TXNRD1: variants seen among roughly 807,000 people sequenced by gnomAD.
TXNRD1 encodes the protein thioredoxin reductase 1, cytoplasmic.
Under a neutral mutation model 80.3 loss-of-function variants are expected in TXNRD1, and 57 were observed. That is an observed-to-expected ratio of 0.71 (90% CI 0.57 to 0.89). The LOEUF is 0.89. Among genes scored for constraint, TXNRD1 ranks in the 40% least tolerant of loss-of-function variants. The pLI, the probability that TXNRD1 is intolerant of heterozygous loss-of-function variation, is 0.00. For synonymous variants in TXNRD1, 291 were observed against 285.2 expected (o/e 1.02, Z -0.20); for missense variants, 730 against 803.0 (o/e 0.91, Z 1.10).
In TXNRD1 at chr12:104,349,050, C is replaced by T. The variant is rs2036577130; in HGVS notation, c.*629C>T. 6.6e-6 allele frequency: 1 copy of T among 152,298 alleles called. No homozygotes were observed. Among genetic ancestry groups the T allele is most frequent in the Non-Finnish European group, 1.5e-5 (1 of 68,106 alleles). 9.4% of individuals were successfully genotyped at this position (152,298 alleles called of 1,614,324 possible). A position where few individuals can be genotyped will look rare whatever the true frequency, so the allele number is the denominator to read the frequency against. On this transcript the variant is annotated 3_prime_UTR_variant, in exon 17 of 17. Coordinates refer to ENST00000525566, the MANE Select transcript of TXNRD1 (RefSeq NM_001093771.3). ...CCAAAACAAGTACATCTGCGATCAACTCTAGCCAAATTTGCCCCTGTGTGC... is the reference window on the plus strand; with the variant it reads ...CCAAAACAAGTACATCTGCGATCAATTCTAGCCAAATTTGCCCCTGTGTGC...
At chr12:104,294,444 C>A (rs933528926) in intron 4 of TXNRD1, among the ~76,000 whole-genome samples, 1 of 151,952 alleles carries the variant, frequency 6.6e-6, no homozygotes, top group Non-Finnish European at 1.5e-5. Flanking sequence ...CACTATGTCC[C>A]CTCAGCTCCT....
At chr12:104,256,693 C>T (rs570050174) in intron 2 of TXNRD1, among the ~76,000 whole-genome samples, 14 of 150,094 alleles carry the variant, frequency 9.3e-5, no homozygotes, top group African/African-American at 2.9e-4. Context: ...GCAGGAGACT[C>T]GCCTGAACCC....
chr12:104,332,268 A>G (rs912528422), intron 14 of TXNRD1, among the ~76,000 whole-genome samples: 4 of 152,196 alleles, frequency 2.6e-5, no homozygotes, highest in African/African-American at 9.6e-5. Flanking sequence ...TGCTGTTTTA[A>G]ATCATTTTAG....
chr12:104,249,935 CAAAAAAAAAAA>C (rs59924751), intron 1 of TXNRD1, among the ~76,000 whole-genome samples: 1 of 102,544 alleles, frequency 9.8e-6, no homozygotes, highest in African/African-American at 3.8e-5. Context: ...GACGCCGTCT[CAAAAAAAAAAA>C]AAAAAAAAAG....
chr12:104,301,372 C>T (rs1384596710), intron 4 of TXNRD1, among the ~76,000 whole-genome samples: 1 of 151,874 alleles, frequency 6.6e-6, no homozygotes, highest in Non-Finnish European at 1.5e-5. Flanking sequence ...GAGTCTCGCT[C>T]TGTCGCCCAG....
At chr12:104,291,961 G>A (rs1351421633) in intron 4 of TXNRD1, among the ~76,000 whole-genome samples, 2 of 152,182 alleles carry the variant, frequency 1.3e-5, no homozygotes, top group Non-Finnish European at 2.9e-5. Flanking sequence ...TTTATTTAGT[G>A]GAGAATTGAG....
intron 1 of TXNRD1, among the ~76,000 whole-genome samples, chr12:104,245,884 C>A (rs887784951): frequency 6.7e-6 from 1 of 148,254 alleles, no homozygotes; most frequent in Non-Finnish European, 1.5e-5. Context: ...CCGAGGCGGG[C>A]GTATCACGAG....
chr12:104,347,343 C>T (rs958702882), intron 16 of TXNRD1, among the ~76,000 whole-genome samples: 2 of 152,144 alleles, frequency 1.3e-5, no homozygotes, highest in African/African-American at 4.8e-5. Flanking sequence ...AGTATTGTTC[C>T]TCCCTTACAC....
intron 3 of TXNRD1, among the ~76,000 whole-genome samples, chr12:104,268,465 C>G (rs534967883): frequency 8.8e-4 from 134 of 151,838 alleles, no homozygotes; most frequent in African/African-American, 3.0e-3. Flanking sequence ...GCTGAGCTTG[C>G]AGAGAGCTGA....
intron 1 of TXNRD1, among the ~76,000 whole-genome samples, chr12:104,241,693 TTTTATTTATTTA>T (rs112014885): frequency 2.6e-4 from 40 of 151,386 alleles, no homozygotes; most frequent in Admixed American, 8.6e-4. Context: ...TAAATTTTAC[TTTTATTTATTTA>T]TTTATTTATT....
chr12:104,334,761 C>T (rs775286101), intron 15 of TXNRD1, among the ~76,000 whole-genome samples: 1 of 152,174 alleles, frequency 6.6e-6, no homozygotes, highest in African/African-American at 2.4e-5. Context: ...TGATAGATAT[C>T]AGCAGCTGGC....
chr12:104,348,202 A>G, intron 16 of TXNRD1, 151 bp from the exon 17 acceptor site: 1 of 664,428 alleles, frequency 1.5e-6, no homozygotes, highest in South Asian at 2.1e-5. Flanking sequence ...CTGGAGAAAT[A>G]GAAGATATCC....
Position 104,215,792 on chromosome 12 carries a change from C to A in TXNRD1, c.-11C>A. 6.4e-7 allele frequency: 1 copy of A among 1,553,764 alleles called. No individual in the cohort carries two copies. Among genetic ancestry groups the A allele is most frequent in the Non-Finnish European group, 8.7e-7 (1 of 1,148,754 alleles). ...TTCGGCTCCGTCAGTTCCCACAGGG[C>A]CTTGTGCGACATGGGCTGCGCCGAG... On this transcript the variant is annotated 5_prime_UTR_variant, in exon 1 of 17. Coordinates refer to ENST00000525566, the MANE Select transcript of TXNRD1 (RefSeq NM_001093771.3).
intron 3 of TXNRD1, among the ~76,000 whole-genome samples, chr12:104,275,273 C>G (rs2033733449): frequency 6.7e-6 from 1 of 150,256 alleles, no homozygotes; most frequent in African/African-American, 2.4e-5. Context: ...AGCCAAACTC[C>G]ATCTCAAAAA....
intron 2 of TXNRD1, among the ~76,000 whole-genome samples, chr12:104,254,861 T>C (rs965587245): frequency 6.6e-6 from 1 of 151,390 alleles, no homozygotes; most frequent in African/African-American, 2.4e-5. Context: ...TCCCAGCACT[T>C]TGGGAGGCTG....
At chr12:104,347,398 A>G (rs1289960609) in intron 16 of TXNRD1, among the ~76,000 whole-genome samples, 1 of 152,202 alleles carries the variant, frequency 6.6e-6, no homozygotes, top group Non-Finnish European at 1.5e-5. Context: ...GTTTTTACGT[A>G]CAGGCAATCT....
intron 2 of TXNRD1, among the ~76,000 whole-genome samples, chr12:104,253,420 A>C (rs1415471759): frequency 6.6e-6 from 1 of 151,626 alleles, no homozygotes; most frequent in Non-Finnish European, 1.5e-5. Context: ...GTTTAGCTCA[A>C]CTGAGGGCAG....
intron 4 of TXNRD1, chr12:104,303,993 AG>A (rs2034764011): frequency 6.2e-7 from 1 of 1,609,122 alleles, no homozygotes; most frequent in East Asian, 2.2e-5. Flanking sequence ...AGCTCTGGGG[AG>A]GCCGACGTAG....
At chr12:104,315,341 A>G (rs185195968) in intron 6 of TXNRD1, among the ~76,000 whole-genome samples, 2 of 152,362 alleles carry the variant, frequency 1.3e-5, no homozygotes, top group East Asian at 3.9e-4. Flanking sequence ...AGCCTATTTT[A>G]TAATAAAGTG....
Sources: gnomAD v4.1 joint callset for allele counts (sites outside exome capture counted in the v4.1 genomes callset) on GRCh38, gnomAD v4.1.1 for gene constraint, MANE v1.5 for transcripts, NCBI Gene and HGNC (gene_info 2026-07-23, HGNC 2026-07-21) for gene names.